The following TRAF5 variants were observed in gnomAD, a reference collection of about 807,000 sequenced individuals.
TRAF5 encodes TNF receptor-associated factor 5.
TRAF5 carries 48 observed loss-of-function variants against 64.5 expected under a neutral mutation model. The observed-to-expected ratio is 0.74, with a 90% CI of 0.59 to 0.95. The LOEUF (loss-of-function observed/expected upper bound fraction) is 0.95, where lower values mean the gene tolerates loss of function less well. Among genes scored for constraint, TRAF5 ranks in the 40% least tolerant of loss-of-function variants. TRAF5 has a pLI of 0.00. For synonymous variants in TRAF5, 206 were observed against 240.5 expected, an observed-to-expected ratio of 0.86 and a Z score of 1.33; for missense variants, 545 against 662.8, an observed-to-expected ratio of 0.82 and a Z score of 1.95.
At chr1:211,351,680 G>A (rs1702791220) in intron 1 of TRAF5, among the ~76,000 whole-genome samples, 1 of 152,032 alleles carries the variant, frequency 6.6e-6, no homozygotes, top group Non-Finnish European at 1.5e-5. Context: ...GTTTTCTGAT[G>A]TGATGTCCAG....
At position 211,373,316 on chromosome 1, in the gene TRAF5, A is replaced by ATG. The variant is rs780825578; in HGVS notation, c.*615_*616dup. On this transcript the variant is annotated 3_prime_UTR_variant, in exon 11 of 11. Coordinates refer to ENST00000261464, the MANE Select transcript of TRAF5 (RefSeq NM_001033910.3). ...TGCAAGGCTGCATAAGAACTGGTGAATGGGGTAAGCATTTTCATTCTTCCT... is the reference window on the plus strand; with the variant it reads ...TGCAAGGCTGCATAAGAACTGGTGAATGTGGGGTAAGCATTTTCATTCTTCCT... The ATG allele has an allele frequency of 5.3e-5, 8 of 152,344 alleles. No individual in the cohort carries two copies. Among genetic ancestry groups the ATG allele is most frequent in the Non-Finnish European group, 1.2e-4 (8 of 68,152 alleles). The allele number at this position is 152,344 out of a possible 1,614,324, so 9.4% of individuals were successfully genotyped here.
intron 7 of TRAF5, among the ~76,000 whole-genome samples, chr1:211,363,483 G>C (rs1703251260): frequency 6.6e-6 from 1 of 152,076 alleles, no homozygotes; most frequent in Non-Finnish European, 1.5e-5. Flanking sequence ...TAGGAAAGTG[G>C]GTGTGGAGAT....
Position 211,369,612 on chromosome 1 carries a change from T to C in TRAF5, c.930+20T>C. 6.5e-7 allele frequency: 1 copy of C among 1,539,820 alleles called. No homozygotes were observed. The highest frequency in any genetic ancestry group is 8.7e-7 in the Non-Finnish European group (1 of 1,148,826). On this transcript the variant is annotated intron_variant, in intron 9 of 10. Coordinates refer to ENST00000261464, the MANE Select transcript of TRAF5 (RefSeq NM_001033910.3). Reference sequence around the variant, plus strand: ...ATCCAGGTAAGAAATGGCCTTTGCGTTGAAAGCCAAGATTTGGCTTTCAAT... The same window carrying C: ...ATCCAGGTAAGAAATGGCCTTTGCGCTGAAAGCCAAGATTTGGCTTTCAAT...
chr1:211,338,172 C>T (rs1222253885), intron 1 of TRAF5, among the ~76,000 whole-genome samples: 1 of 152,178 alleles, frequency 6.6e-6, no homozygotes, highest in South Asian at 2.1e-4. Context: ...GCTAGAAAAT[C>T]AGATTCTAGT....
At chr1:211,369,815 G>T (rs1194775260) in intron 9 of TRAF5, among the ~76,000 whole-genome samples, 1 of 151,658 alleles carries the variant, frequency 6.6e-6, no homozygotes, top group South Asian at 2.1e-4. Flanking sequence ...CTCCTCCCCC[G>T]ACGTGTATGT....
intron 1 of TRAF5, among the ~76,000 whole-genome samples, chr1:211,352,183 T>C (rs1282970627): frequency 6.6e-6 from 1 of 152,126 alleles, no homozygotes; most frequent in Non-Finnish European, 1.5e-5. Context: ...TCCATGTGGC[T>C]GCAGACGCCT....
At chr1:211,344,074 A>T (rs1702520796) in intron 1 of TRAF5, among the ~76,000 whole-genome samples, 3 of 152,114 alleles carry the variant, frequency 2.0e-5, no homozygotes, top group Non-Finnish European at 4.4e-5. Flanking sequence ...AGTCAGGTAG[A>T]CTCTACATGG....
At chr1:211,345,932 C>T (rs970596547) in intron 1 of TRAF5, among the ~76,000 whole-genome samples, 7 of 152,216 alleles carry the variant, frequency 4.6e-5, no homozygotes, top group South Asian at 2.1e-4. Context: ...AAACAGTTTG[C>T]GGCATCAAAT....
At chr1:211,333,020 A>G (rs1054011193) in intron 1 of TRAF5, among the ~76,000 whole-genome samples, 4 of 152,188 alleles carry the variant, frequency 2.6e-5, no homozygotes, top group African/African-American at 7.2e-5. Context: ...CATAGGGCCT[A>G]TGTATGACTA....
chr1:211,326,840 G>C lies in TRAF5; in HGVS notation c.-51G>C. ...CCGCCGCCGGCCGCAGCCAGGAGCA[G>C]CAGCCGCGCCTGCAGACCGGCCTCG... On this transcript the variant is annotated 5_prime_UTR_variant, in exon 1 of 11. Coordinates refer to ENST00000261464, the MANE Select transcript of TRAF5 (RefSeq NM_001033910.3). The surrounding 1 kb of genome is among the most constrained non-coding windows in gnomAD (Gnocchi z 5.0). 4.1e-6 allele frequency: 4 copies of C among 984,696 alleles called. No homozygotes were observed. The highest frequency in any genetic ancestry group is 4.8e-6 in the Non-Finnish European group (4 of 829,520). The allele number at this position is 984,696 out of a possible 1,614,324, so 61.0% of individuals were successfully genotyped here. A position where few individuals can be genotyped will look rare whatever the true frequency, so the allele number is the denominator to read the frequency against.
At chr1:211,367,550 G>A (rs1423486937) in intron 8 of TRAF5, among the ~76,000 whole-genome samples, 1 of 152,218 alleles carries the variant, frequency 6.6e-6, no homozygotes, top group East Asian at 1.9e-4. Context: ...GCTCAACCAA[G>A]TCCATGTCAG....
chr1:211,357,705 G>C (rs1489431665), intron 4 of TRAF5: 1 of 152,156 alleles, frequency 6.6e-6, no homozygotes, highest in East Asian at 1.9e-4. Context: ...GAGAAGAGAT[G>C]GATTCCAACT....
chr1:211,329,996 G>A lies in TRAF5; in HGVS notation c.-2+3107G>A, dbSNP rs1702115056. Among the ~76,000 whole-genome samples the A allele has an allele frequency of 2.6e-5, 4 of 152,178 alleles. No homozygotes were observed. The South Asian group carries it at 8.3e-4, about 31-fold the overall frequency. Reference sequence around the variant, plus strand: ...TGGCCTCCAGCAAGTCCTATCTTGTGAGAAAGTGGCTTGGAGGACCAGGCA... The same window carrying A: ...TGGCCTCCAGCAAGTCCTATCTTGTAAGAAAGTGGCTTGGAGGACCAGGCA... On this transcript the variant is annotated intron_variant, in intron 1 of 10. Transcript: ENST00000261464.
rs376833710 is a variant in TRAF5 at position 211,350,201 on chromosome 1, C to CT, written c.-1-3026dup. On this transcript the variant is annotated intron_variant, in intron 1 of 10. Transcript: ENST00000261464. ...TGGAGCTTTGGTCTCAAACCCCAGG[C>CT]TTTTTTTTTTTTCTTTCTTTTTTTT... is the stretch of plus-strand genomic sequence containing the variant. Among the ~76,000 whole-genome samples the CT allele has an allele frequency of 1.3e-3, 190 of 142,916 alleles. 1 individual carries two copies. The highest frequency in any genetic ancestry group is 4.9e-3 in the South Asian group (22 of 4,494). The allele number at this position is 142,916 out of a possible 152,430, so 93.8% of individuals were successfully genotyped here.
rs747360071 is a variant in TRAF5, at chr1:211,365,430, C to T, written c.751C>T (p.Arg251Cys). Reference sequence around the variant, plus strand: ...GCATTCAGCCTTACGGGAGCACATGCGTTTGGTTTTAGAAAAGAATGTCCA... The same window carrying T: ...GCATTCAGCCTTACGGGAGCACATGTGTTTGGTTTTAGAAAAGAATGTCCA... Reference protein sequence around the residue: ...HEHSALREHMRLVLEKNVQLE... With the variant: ...HEHSALREHMCLVLEKNVQLE... Residue 251 changes from arginine to cysteine, a missense_variant, in exon 8 of 11, where the codon CGT (arginine) becomes TGT (cysteine). By Grantham distance (180) the Arg-to-Cys change is radical. Transcript: ENST00000261464. 6.2e-6 allele frequency: 10 copies of T among 1,613,572 alleles called. No individual in the cohort carries two copies. The highest frequency in any genetic ancestry group is 1.3e-5 in the African/African-American group (1 of 74,874).
intron 1 of TRAF5, among the ~76,000 whole-genome samples, chr1:211,337,651 C>A (rs1332380322): frequency 6.6e-6 from 1 of 152,122 alleles, no homozygotes; most frequent in African/African-American, 2.4e-5. Flanking sequence ...ATGATGGCAG[C>A]TTAGGCCAGA....
chr1:211,358,477 A>T (rs75083390), intron 4 of TRAF5: 1 of 86,738 alleles, frequency 1.2e-5, no homozygotes, highest in Non-Finnish European at 2.5e-5. Flanking sequence ...ACTCTGTCTA[A>T]AAAAAAAAAA....
At chr1:211,327,937 G>T (rs1702065605) in intron 1 of TRAF5, among the ~76,000 whole-genome samples, 1 of 152,206 alleles carries the variant, frequency 6.6e-6, no homozygotes, top group Admixed American at 6.5e-5. Flanking sequence ...TATTGGGCAG[G>T]TGCTGTGTGA....
intron 7 of TRAF5, among the ~76,000 whole-genome samples, chr1:211,361,697 T>G (rs1703187491): frequency 2.2e-5 from 3 of 137,302 alleles, no homozygotes; most frequent in Non-Finnish European, 3.2e-5. Context: ...TTCGGGTTTT[T>G]TTTTTTTTTT....
Sources: allele counts gnomAD v4.1 joint callset (sites outside exome capture counted in the v4.1 genomes callset), GRCh38; gene constraint gnomAD v4.1.1; non-coding constraint Gnocchi (gnomAD v3.1); transcripts MANE v1.5; gene names NCBI Gene and HGNC (gene_info 2026-07-23, HGNC 2026-07-21).